GRIN2A: variants seen among roughly 807,000 people sequenced by gnomAD.
GRIN2A encodes glutamate receptor ionotropic, NMDA 2A.
In GRIN2A, 22 loss-of-function variants were observed where a neutral mutation model predicts 113.4. The observed-to-expected ratio is 0.19, with a 90% CI of 0.14 to 0.28. The LOEUF (loss-of-function observed/expected upper bound fraction) is 0.28, where lower values mean the gene tolerates loss of function less well. Ranked by LOEUF, GRIN2A falls within the 10% of genes least tolerant of loss-of-function variation. The pLI is 1.00. For synonymous variants in GRIN2A, 827 were observed against 738.4 expected (o/e 1.12, Z -1.94); for missense variants, 1,502 against 1,887.0 (o/e 0.80, Z 3.78).
At chr16:9,918,027 C>A (rs1162567916) in intron 3 of GRIN2A, among the ~76,000 whole-genome samples, 1 of 152,160 alleles carries the variant, frequency 6.6e-6, no homozygotes, top group South Asian at 2.1e-4. Context: ...TAAGAGCCAG[C>A]ATTCATAGAT....
At chr16:10,041,523 A>G (rs2047166299) in intron 2 of GRIN2A, among the ~76,000 whole-genome samples, 1 of 152,184 alleles carries the variant, frequency 6.6e-6, no homozygotes, top group African/African-American at 2.4e-5. Context: ...TTTAAAACAC[A>G]AGTATCTCTT....
intron 2 of GRIN2A, among the ~76,000 whole-genome samples, chr16:10,010,437 A>T (rs889164046): frequency 6.6e-6 from 1 of 152,242 alleles, no homozygotes; most frequent in Non-Finnish European, 1.5e-5. Flanking sequence ...TACCTGTATA[A>T]CAAACTTGCA....
intron 2 of GRIN2A, among the ~76,000 whole-genome samples, chr16:10,046,113 G>A (rs1358915489): frequency 6.6e-6 from 1 of 152,142 alleles, no homozygotes. Context: ...CATTGCCTTA[G>A]CCAGTGATGG....
At chr16:9,790,681 A>G (rs928753483) in intron 11 of GRIN2A, among the ~76,000 whole-genome samples, 5 of 152,162 alleles carry the variant, frequency 3.3e-5, no homozygotes, top group African/African-American at 1.2e-4. Flanking sequence ...TGATTCAGTG[A>G]TTACCTCCTT....
At chr16:9,937,731 TTGTTGAG>T in intron 3 of GRIN2A, 2 of 565,444 alleles carry the variant, frequency 3.5e-6, no homozygotes, top group South Asian at 2.0e-5. Flanking sequence ...CCAAGATATA[TTGTTGAG>T]TAGAAAAAAA....
At chr16:9,920,054 G>T (rs1037931804) in intron 3 of GRIN2A, among the ~76,000 whole-genome samples, 1 of 152,118 alleles carries the variant, frequency 6.6e-6, no homozygotes, top group African/African-American at 2.4e-5. Context: ...AATTGACATT[G>T]CCTGTATTCA....
chr16:10,054,609 A>G (rs1233335727), intron 2 of GRIN2A, among the ~76,000 whole-genome samples: 3 of 152,244 alleles, frequency 2.0e-5, no homozygotes, highest in Non-Finnish European at 4.4e-5. Flanking sequence ...ATTTAATGAC[A>G]AAGTGCCCAT....
intron 2 of GRIN2A, among the ~76,000 whole-genome samples, chr16:10,161,171 A>C (rs2049801727): frequency 6.6e-6 from 1 of 152,214 alleles, no homozygotes; most frequent in South Asian, 2.1e-4. Context: ...TTCTCATGAT[A>C]GTGAGTGAGT....
Position 9,840,741 on chromosome 16 carries a change from A to C in GRIN2A, c.1557T>G (p.Ser519=). 6.2e-7 allele frequency: 1 copy of C among 1,612,030 alleles called. No homozygotes were observed. Among genetic ancestry groups the C allele is most frequent in the Non-Finnish European group, 8.5e-7 (1 of 1,179,448 alleles). Residue 519 remains serine (S), a synonymous_variant, in exon 7 of 13, where the codon TCT becomes TCG. Coordinates refer to ENST00000330684, the MANE Select transcript of GRIN2A (RefSeq NM_001134407.3). ...VGSLTINEER[S]EVVDFSVPFV... Reference sequence around the variant, plus strand: ...AGGGCACAGAGAAGTCCACCACTTCAGAACGTTCCTCATTGATGGTGAGCG... The same window carrying C: ...AGGGCACAGAGAAGTCCACCACTTCCGAACGTTCCTCATTGATGGTGAGCG...
At chr16:10,075,448 G>A (rs922641002) in intron 2 of GRIN2A, among the ~76,000 whole-genome samples, 11 of 152,024 alleles carry the variant, frequency 7.2e-5, no homozygotes, top group African/African-American at 1.7e-4. Context: ...GCAGCGGGGC[G>A]GAATGGAGAG....
At chr16:9,875,700 G>C (rs2043351171) in intron 4 of GRIN2A, among the ~76,000 whole-genome samples, 1 of 152,210 alleles carries the variant, frequency 6.6e-6, no homozygotes, top group Admixed American at 6.5e-5. Flanking sequence ...GCTGCTATCA[G>C]ATGCAATGTG....
chr16:9,871,299 T>C (rs917139737), intron 4 of GRIN2A, among the ~76,000 whole-genome samples: 4 of 152,180 alleles, frequency 2.6e-5, no homozygotes, highest in African/African-American at 9.7e-5. Context: ...CTTAACTGTA[T>C]GTATTGCAAT....
chr16:10,026,036 T>G (rs1449010980), intron 2 of GRIN2A, among the ~76,000 whole-genome samples: 7 of 152,180 alleles, frequency 4.6e-5, no homozygotes, highest in African/African-American at 1.7e-4. Flanking sequence ...ACATCATCAC[T>G]GTTCTCAGCC....
intron 2 of GRIN2A, among the ~76,000 whole-genome samples, chr16:9,965,477 G>C (rs561778284): frequency 6.6e-6 from 1 of 152,324 alleles, no homozygotes; most frequent in East Asian, 1.9e-4. Flanking sequence ...TAGAATAAGA[G>C]ACTTTTGGGA....
chr16:9,783,001 G>A (rs971612885), intron 11 of GRIN2A, among the ~76,000 whole-genome samples: 4 of 152,160 alleles, frequency 2.6e-5, no homozygotes, highest in East Asian at 1.9e-4. Context: ...ATTTGAAAAC[G>A]TTGCATTTCT....
intron 3 of GRIN2A, among the ~76,000 whole-genome samples, chr16:9,930,699 A>C (rs2044570080): frequency 6.6e-6 from 1 of 152,240 alleles, no homozygotes; most frequent in South Asian, 2.1e-4. Context: ...AGCTCAGAGA[A>C]TTAACTGAGC....
chr16:9,816,491 A>G (rs8052950), intron 10 of GRIN2A, among the ~76,000 whole-genome samples: 47,810 of 152,030 alleles, frequency 0.31, 8,059 homozygotes, highest in African/African-American at 0.43. Flanking sequence ...GTACATGAAA[A>G]TCAATTAAAA....
At chr16:9,771,869 G>C (rs1901294868) in intron 11 of GRIN2A, among the ~76,000 whole-genome samples, 1 of 152,058 alleles carries the variant, frequency 6.6e-6, no homozygotes, top group South Asian at 2.1e-4. Flanking sequence ...ATGCTCATTT[G>C]GGCTTTAATT....
intron 4 of GRIN2A, among the ~76,000 whole-genome samples, chr16:9,890,155 AAGT>A (rs1356189488): frequency 6.6e-6 from 1 of 152,226 alleles, no homozygotes; most frequent in Non-Finnish European, 1.5e-5. Context: ...CAAGATGCTA[AAGT>A]AGTTCAGAGG....
Sources: allele counts gnomAD v4.1 joint callset (sites outside exome capture counted in the v4.1 genomes callset), GRCh38; gene constraint gnomAD v4.1.1; transcripts MANE v1.5; gene names NCBI Gene and HGNC (gene_info 2026-07-23, HGNC 2026-07-21).